The following ZFYVE16 variants were observed in gnomAD, a reference collection of about 807,000 sequenced individuals.
ZFYVE16 encodes the protein zinc finger FYVE-type containing 16, also known as zinc finger FYVE domain-containing protein 16.
Under a neutral mutation model 138.1 loss-of-function variants are expected in ZFYVE16, and 89 were observed. The observed-to-expected ratio is 0.64, with a 90% CI of 0.54 to 0.77. ZFYVE16 has a LOEUF of 0.77. Ranked by LOEUF, ZFYVE16 falls within the 30% of genes least tolerant of loss-of-function variation. The pLI is 0.00. For synonymous variants in ZFYVE16, 596 were observed against 618.3 expected (o/e 0.96, Z 0.53); for missense variants, 1,793 against 1,786.7 (o/e 1.00, Z -0.06).
intron 2 of ZFYVE16, among the ~76,000 whole-genome samples, chr5:80,430,429 C>T (rs1378536901): frequency 2.0e-5 from 3 of 151,914 alleles, no homozygotes; most frequent in African/African-American, 7.3e-5. Flanking sequence ...CTCTGGGACA[C>T]ATTCAAAGCA....
chr5:80,432,255 G>A (rs1749158344), intron 2 of ZFYVE16, among the ~76,000 whole-genome samples: 1 of 152,126 alleles, frequency 6.6e-6, no homozygotes, highest in Non-Finnish European at 1.5e-5. Context: ...AAATGGAACA[G>A]AACAGAGCCC....
chr5:80,445,507 T>C, intron 7 of ZFYVE16, 102 bp downstream of exon 7: 1 of 1,051,306 alleles, frequency 9.5e-7, no homozygotes, highest in Admixed American at 2.8e-5. Flanking sequence ...TTTAACACTT[T>C]GAGCTTCCTA....
At position 80,481,641 on chromosome 5, in the gene ZFYVE16, A is replaced by G. The variant is rs1488741919; in HGVS notation, c.*4264A>G. Among the ~76,000 whole-genome samples the G allele has an allele frequency of 3.3e-5, 5 of 152,208 alleles. No homozygotes were observed. Among genetic ancestry groups the G allele is most frequent in the Non-Finnish European group, 7.3e-5 (5 of 68,048 alleles). The stretch of plus-strand genomic sequence containing the variant: ...AAACAAAACAAAAACATTCTTATGA[A>G]GATTTAAACAGGATAGAGAATATCA... On this transcript the variant is annotated 3_prime_UTR_variant, in exon 19 of 19. Coordinates refer to ENST00000505560, the MANE Select transcript of ZFYVE16 (RefSeq NM_001284236.3).
intron 14 of ZFYVE16, among the ~76,000 whole-genome samples, 161 bp downstream of exon 14, chr5:80,457,253 C>T (rs1212366648): frequency 6.6e-6 from 1 of 152,172 alleles, no homozygotes; most frequent in Non-Finnish European, 1.5e-5. Flanking sequence ...AAAATTGCTT[C>T]TAATTTTTGT....
rs968244945 is a variant in ZFYVE16, at chr5:80,477,487, AAC to A, written c.*114_*115del. ...AAGTATAAATATGTCTGATTTTTGA[AAC>A]ACATAAGCTTTGCTCTTTAGGCAGG... On this transcript the variant is annotated 3_prime_UTR_variant, in exon 19 of 19. Coordinates refer to ENST00000505560, the MANE Select transcript of ZFYVE16 (RefSeq NM_001284236.3). 282 of 1,019,518 alleles carry A rather than the reference AAC, an allele frequency of 2.8e-4. 1 individual carries two copies. The African/African-American group carries it at 3.7e-3, about 13-fold the overall frequency. The allele number at this position is 1,019,518 out of a possible 1,614,324, so 63.2% of individuals were successfully genotyped here.
upstream of ZFYVE16, among the ~76,000 whole-genome samples, chr5:80,407,861 C>T (rs1436166077): frequency 6.6e-6 from 1 of 152,260 alleles, no homozygotes; most frequent in East Asian, 1.9e-4. Context: ...CGTCACCCAA[C>T]AACCCACTCA....
chr5:80,440,322 C>T, intron 5 of ZFYVE16: 1 of 1,051,470 alleles, frequency 9.5e-7, no homozygotes, highest in Non-Finnish European at 1.1e-6. Context: ...TTGTTTTTGT[C>T]ATCATCATTG....
In ZFYVE16 at chr5:80,446,557, A is replaced by G. The variant is rs150497945; in HGVS notation, c.2724+1152A>G. 7.4e-4 allele frequency among the ~76,000 whole-genome samples: 113 copies of G among 151,962 alleles called. 3 individuals carry two copies. In the East Asian group the frequency reaches 0.02, roughly 27 times the overall value. On this transcript the variant is annotated intron_variant, in intron 7 of 18. Transcript: ENST00000505560. ...TACATTCTGTGTGTTTTGATATGTT[A>G]TTTTTTTTGTTAAATTATATGAAAA...
chr5:80,447,806 A>G (rs924247030), intron 7 of ZFYVE16, among the ~76,000 whole-genome samples: 20 of 152,340 alleles, frequency 1.3e-4, no homozygotes, highest in Admixed American at 9.1e-4. Context: ...AGCATGCAGT[A>G]AAACTAAAAC....
intron 16 of ZFYVE16, among the ~76,000 whole-genome samples, 169 bp from the exon 17 acceptor site, chr5:80,473,585 A>G (rs1268277959): frequency 6.6e-6 from 1 of 152,218 alleles, no homozygotes; most frequent in Non-Finnish European, 1.5e-5. Context: ...TTACTACACA[A>G]TCAAGAAATC....
At chr5:80,456,428 A>T in intron 12 of ZFYVE16, 33 bp from the exon 13 acceptor site, 1 of 1,460,310 alleles carries the variant, frequency 6.8e-7, no homozygotes, top group Non-Finnish European at 9.5e-7. Context: ...ACTCATGGTT[A>T]GTAGTTTATG....
chr5:80,459,304 G>A, intron 14 of ZFYVE16, 110 bp from the exon 15 acceptor site: 2 of 706,378 alleles, frequency 2.8e-6, no homozygotes, highest in South Asian at 4.9e-5. Flanking sequence ...AAGTTGTGTG[G>A]GTATAACATT....
rs545996965 is a variant in ZFYVE16, at chr5:80,426,887, A to G, written c.-93-605A>G. Reference sequence around the variant, plus strand: ...ACTGTCTTTGCATAGAAGTGTTCCTATTTCTCCACAGCCTCACCAGCATCT... The same window carrying G: ...ACTGTCTTTGCATAGAAGTGTTCCTGTTTCTCCACAGCCTCACCAGCATCT... On this transcript the variant is annotated intron_variant, in intron 1 of 18. Transcript: ENST00000505560. Among the ~76,000 whole-genome samples the G allele has an allele frequency of 2.8e-4, 43 of 152,106 alleles. No homozygotes were observed. In the East Asian group the frequency reaches 6.4e-3, roughly 23 times the overall value.
rs1190899328 is a variant in ZFYVE16 at position 80,437,938 on chromosome 5, A to C, written c.1253A>C (p.Gln418Pro). The C allele has an allele frequency of 1.9e-6, 3 of 1,613,984 alleles. No individual in the cohort carries two copies. The highest frequency in any genetic ancestry group is 1.6e-4 in the Middle Eastern group (1 of 6,084). ...QDAVTIHEEI[Q>P]NSVVLGGEPF... ...GCAGTGACTATACATGAAGAAATAC[A>C]GAACAGTGTTGTTCTAGGTGGGGAA... Residue 418 changes from glutamine (Q) to proline (P), a missense_variant, in exon 4 of 19, where the codon CAG becomes CCG. Gln to Pro is a moderately conservative substitution (Grantham distance 76). Coordinates refer to ENST00000505560, the MANE Select transcript of ZFYVE16 (RefSeq NM_001284236.3).
chr5:80,424,989 C>G (rs1747783599), intron 1 of ZFYVE16, among the ~76,000 whole-genome samples: 1 of 152,148 alleles, frequency 6.6e-6, no homozygotes, highest in African/African-American at 2.4e-5. Context: ...TCTGGCTGTT[C>G]TATCTTTGGG....
intron 2 of ZFYVE16, among the ~76,000 whole-genome samples, chr5:80,427,971 CAAAAAAAAAAAAAA>C (rs386404254): frequency 4.2e-5 from 2 of 48,104 alleles, no homozygotes; most frequent in African/African-American, 2.3e-4. Flanking sequence ...GACTCCATCT[CAAAAAAAAAAAAAA>C]AAAAAAAAAA....
At chr5:80,442,223 C>T (rs148105508) in intron 5 of ZFYVE16, among the ~76,000 whole-genome samples, 1,570 of 152,212 alleles carry the variant, frequency 0.01, 28 homozygotes, top group African/African-American at 0.033. Context: ...CCCACCTCAG[C>T]CTCCCTAGTA....
At chr5:80,440,863 A>C in intron 5 of ZFYVE16, 3 of 985,270 alleles carry the variant, frequency 3.0e-6, no homozygotes, top group Non-Finnish European at 3.6e-6. Context: ...AGGGGAATGA[A>C]TACCTGATAA....
intron 3 of ZFYVE16, 43 bp from the exon 4 acceptor site, chr5:80,436,713 A>T: frequency 6.7e-7 from 1 of 1,484,932 alleles, no homozygotes; most frequent in Non-Finnish European, 9.1e-7. Context: ...AATAATTTTT[A>T]TTTGATTTAA....
Sources: allele counts gnomAD v4.1 joint callset (sites outside exome capture counted in the v4.1 genomes callset), GRCh38; gene constraint gnomAD v4.1.1; transcripts MANE v1.5; gene names NCBI Gene and HGNC (gene_info 2026-07-23, HGNC 2026-07-21).